Variants in GYS2 observed in about 807,000 individuals in gnomAD.
GYS2 encodes the protein glycogen [starch] synthase, liver.
In GYS2, 80 loss-of-function variants were observed where a neutral mutation model predicts 85.6. The ratio of observed to expected loss-of-function variants is 0.93; its 90% CI spans 0.78 to 1.13. The LOEUF (loss-of-function observed/expected upper bound fraction) is 1.13, where lower values mean the gene tolerates loss of function less well. Among genes scored for constraint, GYS2 ranks in the 50% most tolerant of loss-of-function variants. The probability of loss-of-function intolerance (pLI) is 0.00; values close to 1 mark genes in which losing one functional copy is unlikely to be tolerated. For synonymous variants in GYS2, 328 were observed against 300.7 expected (o/e 1.09, Z -0.94); for missense variants, 881 against 854.9 (o/e 1.03, Z -0.38).
intron 5 of GYS2, 57 bp downstream of exon 5, chr12:21,568,805 ATCC>A: frequency 6.8e-7 from 1 of 1,472,554 alleles, no homozygotes; most frequent in Non-Finnish European, 9.5e-7. Flanking sequence ...GGAAAACAAA[ATCC>A]TCATAGTGTA....
intron 4 of GYS2, among the ~76,000 whole-genome samples, chr12:21,569,687 G>A (rs1173300782): frequency 1.3e-5 from 2 of 152,148 alleles, no homozygotes; most frequent in Admixed American, 6.5e-5. Context: ...AGTGTCTCAC[G>A]CAGCTCCATA....
At chr12:21,548,140 G>T (rs1372246727) in intron 11 of GYS2, among the ~76,000 whole-genome samples, 1 of 152,142 alleles carries the variant, frequency 6.6e-6, no homozygotes, top group Non-Finnish European at 1.5e-5. Context: ...ACATTTGTTG[G>T]AACTTCATGA....
intron 1 of GYS2, among the ~76,000 whole-genome samples, chr12:21,601,346 T>C (rs1355333837): frequency 6.6e-6 from 1 of 152,106 alleles, no homozygotes; most frequent in African/African-American, 2.4e-5. Flanking sequence ...CAGTGACTCC[T>C]CATTCATTGT....
intron 4 of GYS2, 98 bp downstream of exon 4, chr12:21,574,046 T>A (rs867881083): frequency 2.1e-6 from 2 of 957,032 alleles, no homozygotes; most frequent in South Asian, 1.3e-5. Context: ...ATTTCTGCCA[T>A]CTGGTTGGCA....
intron 1 of GYS2, among the ~76,000 whole-genome samples, chr12:21,596,992 C>A (rs1477145791): frequency 6.6e-6 from 1 of 152,104 alleles, no homozygotes; most frequent in Non-Finnish European, 1.5e-5. Flanking sequence ...AACTCAACCC[C>A]TTGTACAATA....
intron 5 of GYS2, 132 bp downstream of exon 5, chr12:21,568,733 A>G: frequency 1.3e-6 from 1 of 793,990 alleles, no homozygotes; most frequent in Non-Finnish European, 2.2e-6. Flanking sequence ...GAGAATTAAA[A>G]TACATAAAAA....
At chr12:21,540,346 C>A in intron 14 of GYS2, 64 bp downstream of exon 14, 1 of 1,263,628 alleles carries the variant, frequency 7.9e-7, no homozygotes, top group South Asian at 1.2e-5. Flanking sequence ...TGACTAGAAT[C>A]AATATGTTTA....
intron 1 of GYS2, among the ~76,000 whole-genome samples, chr12:21,585,523 G>T (rs921128776): frequency 6.9e-6 from 1 of 145,752 alleles, no homozygotes; most frequent in Non-Finnish European, 1.5e-5. Flanking sequence ...GCCATTCCAG[G>T]CAGGACTACA....
rs1186388716 is a variant in GYS2 at position 21,570,288 on chromosome 12, A to T, written c.679-1279T>A. ...ATGAAACCAAATCTCTCATTTAATC[A>T]ACTTTTTTGAGCAATTTATGTGTAT... On this transcript the variant is annotated intron_variant, in intron 4 of 15. Transcript: ENST00000261195. Among the ~76,000 whole-genome samples, 8 of 152,350 alleles carry T rather than the reference A, an allele frequency of 5.3e-5. No individual in the cohort carries two copies. The East Asian group carries it at 7.7e-4, about 15-fold the overall frequency.
intron 11 of GYS2, among the ~76,000 whole-genome samples, chr12:21,556,556 C>G (rs1292206600): frequency 4.6e-5 from 7 of 152,160 alleles, no homozygotes; most frequent in Non-Finnish European, 1.0e-4. Flanking sequence ...TCAAGGTTGC[C>G]CTCATAAGCT....
At chr12:21,556,613 A>G (rs1944182455) in intron 11 of GYS2, among the ~76,000 whole-genome samples, 1 of 152,202 alleles carries the variant, frequency 6.6e-6, no homozygotes, top group Non-Finnish European at 1.5e-5. Context: ...CAAGTTCTAT[A>G]TCTCACATGT....
chr12:21,565,578 G>T (rs1449950132), intron 5 of GYS2, among the ~76,000 whole-genome samples: 1 of 149,398 alleles, frequency 6.7e-6, no homozygotes, highest in South Asian at 2.1e-4. Flanking sequence ...ACCAGGAAAT[G>T]ATGTTAAATT....
At chr12:21,578,706 T>C (rs7974017) in intron 2 of GYS2, among the ~76,000 whole-genome samples, 140,052 of 152,034 alleles carry the variant, frequency 0.92, 64,648 homozygotes, top group East Asian at 1. Context: ...TGCATTTATC[T>C]TTTTTTCCTT....
chr12:21,586,962 G>A (rs1396746773), intron 1 of GYS2, among the ~76,000 whole-genome samples: 1 of 151,958 alleles, frequency 6.6e-6, no homozygotes, highest in African/African-American at 2.4e-5. Flanking sequence ...AAAATGTGGT[G>A]TATATATATT....
intron 2 of GYS2, among the ~76,000 whole-genome samples, chr12:21,578,099 CG>C (rs1944466967): frequency 6.6e-6 from 1 of 152,144 alleles, no homozygotes; most frequent in Non-Finnish European, 1.5e-5. Flanking sequence ...TATTCCACTT[CG>C]GCATTCTGTT....
chr12:21,571,368 T>C (rs954039497), intron 4 of GYS2, among the ~76,000 whole-genome samples: 4 of 152,260 alleles, frequency 2.6e-5, no homozygotes, highest in African/African-American at 9.6e-5. Context: ...AGGACATATC[T>C]GGACCTGGTC....
At chr12:21,563,678 TA>T (rs1431558518) in intron 5 of GYS2, among the ~76,000 whole-genome samples, 1 of 152,224 alleles carries the variant, frequency 6.6e-6, no homozygotes, top group African/African-American at 2.4e-5. Context: ...GGTGTTGCTC[TA>T]AAGGCTTAGA....
At chr12:21,549,086 A>T (rs7485489) in intron 11 of GYS2, among the ~76,000 whole-genome samples, 108,716 of 152,086 alleles carry the variant, frequency 0.71, 39,742 homozygotes, top group South Asian at 0.8. Flanking sequence ...AGCCATTACA[A>T]TGTGAGTGGC....
At chr12:21,598,757 T>C (rs1263029266) in intron 1 of GYS2, among the ~76,000 whole-genome samples, 1 of 152,152 alleles carries the variant, frequency 6.6e-6, no homozygotes, top group African/African-American at 2.4e-5. Flanking sequence ...CTTAATATCA[T>C]TAATGAATGA....
Sources: allele counts gnomAD v4.1 joint callset (sites outside exome capture counted in the v4.1 genomes callset), GRCh38; gene constraint gnomAD v4.1.1; transcripts MANE v1.5; gene names NCBI Gene and HGNC (gene_info 2026-07-23, HGNC 2026-07-21).